RNLS: variants seen among roughly 807,000 people sequenced by gnomAD.
RNLS encodes renalase.
RNLS carries 39 observed loss-of-function variants against 39.8 expected under a neutral mutation model. The observed-to-expected ratio is 0.98, with a 90% CI of 0.76 to 1.28. The LOEUF (loss-of-function observed/expected upper bound fraction) is 1.28. Ranked by LOEUF, RNLS falls within the 50% of genes most tolerant of loss-of-function variation. RNLS has a pLI of 0.00. For synonymous variants in RNLS, 147 were observed against 150.7 expected (o/e 0.98, Z 0.18); for missense variants, 410 against 413.3 (o/e 0.99, Z 0.07).
chr10:88,185,028 T>C, the RNLS span, among the ~76,000 whole-genome samples: 1 of 152,180 alleles, frequency 6.6e-6, no homozygotes, highest in African/African-American at 2.4e-5. Flanking sequence ...TAAAATATCC[T>C]GTTGCCCTGC....
At chr10:88,250,518 C>A in the RNLS span, among the ~76,000 whole-genome samples, 1 of 152,224 alleles carries the variant, frequency 6.6e-6, no homozygotes, top group Non-Finnish European at 1.5e-5. Context: ...TTTACCATGT[C>A]TACCAAGGCC....
chr10:88,372,266 G>C (rs1178549659), intron 4 of RNLS, among the ~76,000 whole-genome samples: 3 of 152,104 alleles, frequency 2.0e-5, no homozygotes, highest in African/African-American at 7.2e-5. Context: ...CAATCAGGGA[G>C]CGTTTTCTAA....
At chr10:88,443,099 C>T (rs1251319385) in intron 4 of RNLS, among the ~76,000 whole-genome samples, 1 of 152,142 alleles carries the variant, frequency 6.6e-6, no homozygotes, top group African/African-American at 2.4e-5. Context: ...TCTATTTCTT[C>T]CCCTCCTTTG....
the RNLS span, among the ~76,000 whole-genome samples, chr10:88,210,071 C>T: frequency 6.6e-6 from 1 of 152,184 alleles, no homozygotes. Context: ...TGCCCTGAGG[C>T]GACGGATTTG....
intron 4 of RNLS, among the ~76,000 whole-genome samples, chr10:88,552,732 GACACACATATAC>G (rs1302736897): frequency 1.3e-5 from 2 of 151,962 alleles, no homozygotes; most frequent in Non-Finnish European, 2.9e-5. Flanking sequence ...TATACACACA[GACACACATATAC>G]ACACACATAT....
At position 88,475,212 on chromosome 10, in the gene RNLS, T is replaced by C. The variant is rs909953781; in HGVS notation, c.526+97691A>G. On this transcript the variant is annotated intron_variant, in intron 4 of 6. Transcript: ENST00000331772. ...CATTTGTAGAGTTAGCCCAATTTCA[T>C]TGGGATTTTCACCTGCTCCACACTT... is the stretch of plus-strand genomic sequence containing the variant. Among the ~76,000 whole-genome samples the C allele has an allele frequency of 8.5e-5, 13 of 152,264 alleles. 1 individual carries two copies. The East Asian group carries it at 9.6e-4, about 11-fold the overall frequency.
At chr10:88,193,884 A>G in the RNLS span, among the ~76,000 whole-genome samples, 1 of 152,144 alleles carries the variant, frequency 6.6e-6, no homozygotes, top group African/African-American at 2.4e-5. Flanking sequence ...ACCCACTACA[A>G]TGTGGTTTTC....
intron 6 of RNLS, among the ~76,000 whole-genome samples, chr10:88,275,642 T>G (rs911370999): frequency 2.0e-5 from 3 of 152,180 alleles, no homozygotes; most frequent in Non-Finnish European, 4.4e-5. Context: ...CCTGGGGGAA[T>G]AAAGTTCTAA....
At chr10:88,207,157 C>T in the RNLS span, among the ~76,000 whole-genome samples, 2 of 151,924 alleles carry the variant, frequency 1.3e-5, no homozygotes, top group Non-Finnish European at 2.9e-5. Context: ...AATCATGATC[C>T]GTGAAAGAGA....
intron 4 of RNLS, among the ~76,000 whole-genome samples, chr10:88,469,517 ACAGT>A (rs1260283890): frequency 2.0e-5 from 3 of 152,166 alleles, no homozygotes; most frequent in Non-Finnish European, 4.4e-5. Flanking sequence ...TCAGGTACAG[ACAGT>A]CAGGTGGCAG....
intron 4 of RNLS, among the ~76,000 whole-genome samples, chr10:88,564,115 T>C (rs1050488921): frequency 6.6e-6 from 1 of 152,242 alleles, no homozygotes; most frequent in Non-Finnish European, 1.5e-5. Flanking sequence ...TATTCACATA[T>C]GGATGTGATC....
chr10:88,523,523 T>G (rs1380163988), intron 4 of RNLS, among the ~76,000 whole-genome samples: 1 of 152,152 alleles, frequency 6.6e-6, no homozygotes, highest in Non-Finnish European at 1.5e-5. Flanking sequence ...AGGGATCGCT[T>G]TACATCAGGT....
At chr10:88,416,437 G>A (rs1854034452) in intron 4 of RNLS, among the ~76,000 whole-genome samples, 1 of 151,816 alleles carries the variant, frequency 6.6e-6, no homozygotes, top group Non-Finnish European at 1.5e-5. Context: ...ATTTTTAGTA[G>A]AGATGGGTTT....
chr10:88,439,435 C>T (rs1167501803), intron 4 of RNLS, among the ~76,000 whole-genome samples: 2 of 152,186 alleles, frequency 1.3e-5, no homozygotes, highest in Non-Finnish European at 2.9e-5. Context: ...AAGGGACATC[C>T]TGCCACTATG....
intron 5 of RNLS, among the ~76,000 whole-genome samples, chr10:88,356,019 T>A (rs1453703107): frequency 6.6e-6 from 1 of 152,208 alleles, no homozygotes; most frequent in Non-Finnish European, 1.5e-5. Flanking sequence ...CCTCTGATCC[T>A]TGCGCGGGAT....
intron 6 of RNLS, among the ~76,000 whole-genome samples, chr10:88,294,126 T>C (rs1217308370): frequency 1.3e-5 from 2 of 152,194 alleles, no homozygotes; most frequent in African/African-American, 4.8e-5. Context: ...ACATGTGGCC[T>C]AGAGAGTGAA....
At chr10:88,374,970 C>A (rs1391358717) in intron 4 of RNLS, among the ~76,000 whole-genome samples, 1 of 152,110 alleles carries the variant, frequency 6.6e-6, no homozygotes, top group Non-Finnish European at 1.5e-5. Flanking sequence ...CCCACTTGCT[C>A]TCATTCTTAC....
chr10:88,209,098 C>CT, the RNLS span, among the ~76,000 whole-genome samples: 1 of 152,094 alleles, frequency 6.6e-6, no homozygotes, highest in Admixed American at 6.6e-5. Flanking sequence ...CGAAACTCTT[C>CT]TTTTTTGCTA....
exon 7 of RNLS, chr10:88,274,892 G>A: frequency 9.0e-7 from 1 of 1,113,248 alleles, no homozygotes; most frequent in South Asian, 1.3e-5. Context: ...TATCCTAAAG[G>A]CTGTGAAGTG....
Sources: allele counts gnomAD v4.1 joint callset (sites outside exome capture counted in the v4.1 genomes callset), GRCh38; gene constraint gnomAD v4.1.1; transcripts MANE v1.5; gene names NCBI Gene and HGNC (gene_info 2026-07-23, HGNC 2026-07-21).